Variants in CSMD1 observed in about 807,000 individuals in gnomAD.
CSMD1 encodes the protein CUB and sushi domain-containing protein 1.
CSMD1 carries 213 observed loss-of-function variants against 417.5 expected under a neutral mutation model. That is an observed-to-expected ratio of 0.51 (90% CI 0.46 to 0.57). The LOEUF (loss-of-function observed/expected upper bound fraction) is 0.57. CSMD1 is among the 20% of genes least tolerant of loss of function. The pLI is 0.00. For synonymous variants in CSMD1, 2,862 were observed against 1,736.8 expected, an observed-to-expected ratio of 1.65 and a Z score of -16.11; for missense variants, 6,923 against 4,529.7, an observed-to-expected ratio of 1.53 and a Z score of -15.17.
chr8:3,918,487 G>C (rs369891535), intron 5 of CSMD1, among the ~76,000 whole-genome samples: 15 of 152,092 alleles, frequency 9.9e-5, no homozygotes, highest in Non-Finnish European at 1.6e-4. Context: ...ACGTTTGTAT[G>C]TCTTTGCAGA....
At chr8:3,701,907 T>A (rs541161366) in intron 7 of CSMD1, among the ~76,000 whole-genome samples, 3 of 152,262 alleles carry the variant, frequency 2.0e-5, no homozygotes, top group Non-Finnish European at 4.4e-5. Flanking sequence ...GTCCATCAGT[T>A]GCTTTTCATT....
chr8:4,181,699 A>T (rs1200850859), intron 3 of CSMD1, among the ~76,000 whole-genome samples: 1 of 151,198 alleles, frequency 6.6e-6, no homozygotes, highest in East Asian at 1.9e-4. Context: ...TACTTTTTTC[A>T]ATATAATCTC....
intron 3 of CSMD1, among the ~76,000 whole-genome samples, chr8:4,290,806 A>C (rs148549618): frequency 6.6e-6 from 1 of 152,326 alleles, no homozygotes; most frequent in East Asian, 1.9e-4. Context: ...ACTTTCAAGA[A>C]ATCACAATTT....
chr8:4,644,101 G>A (rs1194506069), intron 1 of CSMD1, among the ~76,000 whole-genome samples: 2 of 152,222 alleles, frequency 1.3e-5, no homozygotes, highest in Non-Finnish European at 2.9e-5. Flanking sequence ...TCACTGTGGA[G>A]TCTTTGCCCA....
chr8:4,562,826 T>G (rs1015051438), intron 2 of CSMD1, among the ~76,000 whole-genome samples: 1 of 152,158 alleles, frequency 6.6e-6, no homozygotes, highest in Non-Finnish European at 1.5e-5. Flanking sequence ...TTTATTATGT[T>G]AGAATATCAG....
At chr8:3,205,301 G>A (rs982106467) in intron 31 of CSMD1, among the ~76,000 whole-genome samples, 2 of 152,188 alleles carry the variant, frequency 1.3e-5, no homozygotes, top group Admixed American at 6.5e-5. Context: ...AGAGGGGACT[G>A]TGAGCATTAA....
chr8:4,878,832 T>G (rs886898965), intron 1 of CSMD1, among the ~76,000 whole-genome samples: 22 of 150,978 alleles, frequency 1.5e-4, no homozygotes, highest in Non-Finnish European at 1.0e-4. Context: ...GAGGAGAAAT[T>G]TTTAATATGT....
intron 1 of CSMD1, among the ~76,000 whole-genome samples, chr8:4,960,129 T>C (rs1298079698): frequency 6.6e-6 from 1 of 152,200 alleles, no homozygotes; most frequent in Non-Finnish European, 1.5e-5. Flanking sequence ...TATAATGTGC[T>C]CATTACTTCT....
At chr8:3,287,114 G>C (rs1803219570) in intron 25 of CSMD1, among the ~76,000 whole-genome samples, 1 of 151,860 alleles carries the variant, frequency 6.6e-6, no homozygotes, top group East Asian at 1.9e-4. Flanking sequence ...TATCAGGTTT[G>C]TCAAAGATCA....
At chr8:3,552,411 C>G (rs534648459) in intron 10 of CSMD1, among the ~76,000 whole-genome samples, 4 of 152,084 alleles carry the variant, frequency 2.6e-5, no homozygotes, top group Non-Finnish European at 5.9e-5. Context: ...ATAAACAGTT[C>G]ATAACAATTT....
chr8:3,769,895 G>T (rs1166685011), intron 5 of CSMD1, among the ~76,000 whole-genome samples: 1 of 152,202 alleles, frequency 6.6e-6, no homozygotes, highest in Non-Finnish European at 1.5e-5. Context: ...TAGCTCTTCA[G>T]GACTTTTGAG....
At chr8:3,888,372 C>G (rs966861373) in intron 5 of CSMD1, among the ~76,000 whole-genome samples, 1 of 152,168 alleles carries the variant, frequency 6.6e-6, no homozygotes. Flanking sequence ...GAGCTCTAAA[C>G]AAGCTTCATA....
At chr8:3,251,989 A>T (rs1249325090) in intron 26 of CSMD1, among the ~76,000 whole-genome samples, 1 of 152,218 alleles carries the variant, frequency 6.6e-6, no homozygotes, top group East Asian at 1.9e-4. Flanking sequence ...TTTTCTAGAT[A>T]TAGAATCATG....
chr8:4,655,398 G>C (rs1057151709), intron 1 of CSMD1, among the ~76,000 whole-genome samples: 1 of 152,034 alleles, frequency 6.6e-6, no homozygotes, highest in Non-Finnish European at 1.5e-5. Context: ...GTGATAGGAA[G>C]TAAATGTTAA....
chr8:3,460,058 C>T (rs1816399276), intron 12 of CSMD1, among the ~76,000 whole-genome samples: 1 of 152,128 alleles, frequency 6.6e-6, no homozygotes, highest in African/African-American at 2.4e-5. Context: ...TAAAGAGGTC[C>T]TTGCATTCCC....
At chr8:3,669,649 T>C (rs1585047036) in intron 7 of CSMD1, among the ~76,000 whole-genome samples, 1 of 152,154 alleles carries the variant, frequency 6.6e-6, no homozygotes, top group African/African-American at 2.4e-5. Flanking sequence ...ACATCATTTA[T>C]TAACTCAACA....
rs911194595 is a variant in CSMD1, at chr8:4,710,504, A to G, written c.86-72946T>C. On this transcript the variant is annotated intron_variant, in intron 1 of 69. Transcript: ENST00000635120. ...TATGTATCTCTGTCTCTCTCAAATT[A>G]CATTGAGTAAGTGTGCCAGGAGAAG... Among the ~76,000 whole-genome samples, 24 of 148,748 alleles carry G rather than the reference A, an allele frequency of 1.6e-4. No individual in the cohort carries two copies. The East Asian group carries it at 4.1e-3, about 25-fold the overall frequency.
intron 3 of CSMD1, among the ~76,000 whole-genome samples, chr8:4,272,984 T>G (rs911993059): frequency 1.3e-5 from 2 of 152,182 alleles, no homozygotes; most frequent in African/African-American, 2.4e-5. Flanking sequence ...GAAAACCACA[T>G]GCTTAAAACA....
chr8:4,817,924 A>G (rs551725913), intron 1 of CSMD1, among the ~76,000 whole-genome samples: 9 of 152,334 alleles, frequency 5.9e-5, no homozygotes, highest in African/African-American at 1.9e-4. Context: ...TATCTGCTCA[A>G]ACATTATATT....
Sources: allele counts gnomAD v4.1 joint callset (sites outside exome capture counted in the v4.1 genomes callset), GRCh38; gene constraint gnomAD v4.1.1; transcripts MANE v1.5; gene names NCBI Gene and HGNC (gene_info 2026-07-23, HGNC 2026-07-21).